RPS2: variants seen among roughly 807,000 people sequenced by gnomAD.
RPS2 encodes ribosomal protein S2, also known as small ribosomal subunit protein uS5.
In RPS2, 8 loss-of-function variants were observed where a neutral mutation model predicts 25.3. The ratio of observed to expected loss-of-function variants is 0.32; its 90% CI spans 0.19 to 0.57. RPS2 has a LOEUF of 0.57. Ranked by LOEUF, RPS2 falls within the 20% of genes least tolerant of loss-of-function variation. The pLI is 0.90. For missense variants in RPS2, 229 were observed against 408.1 expected (o/e 0.56, Z 3.78); for synonymous variants, 181 against 161.3 (o/e 1.12, Z -0.92).
Position 1,962,106 on chromosome 16 carries a change from T to C in RPS2, c.874A>G (p.Thr292Ala). 1 of 1,560,670 alleles carries C rather than the reference T, an allele frequency of 6.4e-7. No homozygotes were observed. Among genetic ancestry groups the C allele is most frequent in the Non-Finnish European group, 8.6e-7 (1 of 1,162,430 alleles). The stretch of plus-strand genomic sequence containing the variant: ...TTTCTTGTATAAAAACCCTATGTTG[T>C]AGCCACAGCTGGAGCCTGAGTCCGC... ...VQRTQAPAVATT is the reference protein window; with the variant it reads ...VQRTQAPAVAAT The change falls in exon 7 of 7, where the codon ACA becomes GCA. Residue 292 changes from threonine (T) to alanine (A), a missense_variant. Thr to Ala is a moderately conservative substitution (Grantham distance 58). This residue lies in a region of RPS2 where 32 missense variants were observed against 29.4 expected (regional missense o/e 1.09). Coordinates refer to ENST00000343262, the MANE Select transcript of RPS2 (RefSeq NM_002952.4).
chr16:1,964,631 G>A lies in RPS2; in HGVS notation c.-3-3C>T, dbSNP rs762788553. ...GCACCGGCGTCATCCGCCATTTGCT[G>A]GGAAAAGCGACAAGAAGGAACTAGT... On this transcript the variant is annotated splice_polypyrimidine_tract_variant and splice_region_variant and intron_variant, in intron 1 of 6. Coordinates refer to ENST00000343262, the MANE Select transcript of RPS2 (RefSeq NM_002952.4). 10 of 1,450,158 alleles carry A rather than the reference G, an allele frequency of 6.9e-6. No individual in the cohort carries two copies. Among genetic ancestry groups the A allele is most frequent in the African/African-American group, 1.5e-5 (1 of 68,180 alleles). The allele number at this position is 1,450,158 out of a possible 1,614,324, so 89.8% of individuals were successfully genotyped here.
At position 1,962,612 on chromosome 16, in the gene RPS2, T is replaced by C. The variant is rs1019389336; in HGVS notation, c.594A>G (p.Ala198=). ...CGSVLVRLIP[A]PRGTGIVSAP... is the part of the protein sequence containing the mutation. ...CGGAGACGATGCCAGTGCCCCTGGGTGCAGGGATGAGGCGTACCAGCACAG... is the reference window on the plus strand; with the variant it reads ...CGGAGACGATGCCAGTGCCCCTGGGCGCAGGGATGAGGCGTACCAGCACAG... Residue 198 remains alanine, a synonymous_variant, in exon 6 of 7, where the codon GCA becomes GCG. Transcript: ENST00000343262. The C allele has an allele frequency of 1.2e-6, 2 of 1,610,018 alleles. No individual in the cohort carries two copies. Among genetic ancestry groups the C allele is most frequent in the Admixed American group, 3.4e-5 (2 of 59,692 alleles).
rs552775906 is a variant in RPS2 at position 1,963,991 on chromosome 16, G to C, written c.267+285C>G. 44 of 463,014 alleles carry C rather than the reference G, an allele frequency of 9.5e-5. No individual in the cohort carries two copies. In the East Asian group the frequency reaches 1.8e-3, roughly 19 times the overall value. 28.7% of individuals were successfully genotyped at this position (463,014 alleles called of 1,614,324 possible). A position where few individuals can be genotyped will look rare whatever the true frequency, so the allele number is the denominator to read the frequency against. On this transcript the variant is annotated intron_variant, in intron 3 of 6. Coordinates refer to ENST00000343262, the MANE Select transcript of RPS2 (RefSeq NM_002952.4). ...CAACCTGAACTTCATCATCCTCTCG[G>C]ATGGCATGAACCAAGCGCTGCTTCT...
Position 1,963,232 on chromosome 16 carries a change from GGAA to G in RPS2, c.289_291del (p.Phe97del). 6.5e-7 allele frequency: 1 copy of G among 1,540,398 alleles called. No individual in the cohort carries two copies. On this transcript the variant is annotated inframe_deletion, in exon 4 of 7. Coordinates refer to ENST00000343262, the MANE Select transcript of RPS2 (RefSeq NM_002952.4). Reference sequence around the variant, plus strand: ...ACCTCATCCTTGAGAGAGGCCCCCAGGAAGAAATCAATGATCTCTGATTCCTGA... The same window carrying G: ...ACCTCATCCTTGAGAGAGGCCCCCAGGAAATCAATGATCTCTGATTCCTGA...
intron 3 of RPS2, chr16:1,963,648 C>CG (rs1377693133): frequency 8.6e-6 from 3 of 348,540 alleles, no homozygotes; most frequent in Non-Finnish European, 1.1e-5. Flanking sequence ...CATGAACCCC[C>CG]TCACCTGGCT....
intron 3 of RPS2, 57 bp from the exon 4 acceptor site, chr16:1,963,313 T>C (rs758336): frequency 0.97 from 1,131,486 of 1,166,738 alleles, 548,787 homozygotes; most frequent in East Asian, 1. Context: ...AATACCATTA[T>C]GATATTCAAG....
At chr16:1,963,036 C>G (rs1235934963) in intron 4 of RPS2, 113 bp downstream of exon 4, 2 of 1,363,662 alleles carry the variant, frequency 1.5e-6, no homozygotes, top group Non-Finnish European at 2.1e-6. Flanking sequence ...CTGAGGAGAT[C>G]TTTTCTCTCT....
intron 3 of RPS2, 111 bp from the exon 4 acceptor site, chr16:1,963,367 C>G: frequency 1.5e-6 from 1 of 680,820 alleles, no homozygotes. Flanking sequence ...CCTGTAATCC[C>G]AGCACTTTGG....
In RPS2 at chr16:1,964,576, G is replaced by C; in HGVS notation, c.50C>G (p.Pro17Arg). 1 of 1,565,962 alleles carries C rather than the reference G, an allele frequency of 6.4e-7. No individual in the cohort carries two copies. Among genetic ancestry groups the C allele is most frequent in the East Asian group, 2.3e-5 (1 of 42,780 alleles). ...GAAGCCACCGCGGTTCCCCATCCCAGGGCCACCAGGGCCCCCGGGCCCCCC... is the reference window on the plus strand; with the variant it reads ...GAAGCCACCGCGGTTCCCCATCCCACGGCCACCAGGGCCCCCGGGCCCCCC... ...AAGGPGGPGG[P>R]GMGNRGGFRG... Residue 17 changes from proline (P) to arginine (R), a missense_variant, in exon 2 of 7, where the codon CCT becomes CGT. This residue lies in a region of RPS2 where 27 missense variants were observed against 26.4 expected (regional missense o/e 1.02). Coordinates refer to ENST00000343262, the MANE Select transcript of RPS2 (RefSeq NM_002952.4).
chr16:1,963,096 G>A (rs767445969), intron 4 of RPS2, 53 bp downstream of exon 4: 1 of 1,455,526 alleles, frequency 6.9e-7, no homozygotes, highest in Non-Finnish European at 9.7e-7. Flanking sequence ...ACTATGCAGA[G>A]CCGAGAGAGT....
At chr16:1,962,985 C>T (rs1315720367) in intron 4 of RPS2, 76 bp from the exon 5 acceptor site, 6 of 1,525,648 alleles carry the variant, frequency 3.9e-6, no homozygotes, top group Admixed American at 1.7e-5. Context: ...CTGTTGCACC[C>T]CTCAAGGAAA....
Position 1,964,179 on chromosome 16 carries a change from C to T in RPS2, c.267+97G>A, listed in dbSNP as rs541195056. The T allele has an allele frequency of 5.2e-5, 47 of 898,156 alleles. 1 individual carries two copies. The South Asian group carries it at 6.1e-4, about 12-fold the overall frequency. The allele number at this position is 898,156 out of a possible 1,614,324, so 55.6% of individuals were successfully genotyped here. Reference sequence around the variant, plus strand: ...CAACCTCTCACGCGAGACGCTGGGCCCTTTAATGCGAGTCAATGGCAGATG... The same window carrying T: ...CAACCTCTCACGCGAGACGCTGGGCTCTTTAATGCGAGTCAATGGCAGATG... On this transcript the variant is annotated intron_variant, in intron 3 of 6. Transcript: ENST00000343262.
Position 1,962,136 on chromosome 16 carries a change from C to T in RPS2, c.844G>A (p.Val282Met), listed in dbSNP as rs142405634. The T allele has an allele frequency of 1.9e-4, 299 of 1,579,914 alleles. 2 individuals carry two copies. The East Asian group carries it at 5.8e-3, about 31-fold the overall frequency. Residue 282 changes from valine (V) to methionine (M), a missense_variant, in exon 7 of 7, where the codon GTG (valine) becomes ATG (methionine). This residue lies in a region of RPS2 where 32 missense variants were observed against 29.4 expected (regional missense o/e 1.09). Coordinates refer to ENST00000343262, the MANE Select transcript of RPS2 (RefSeq NM_002952.4). ...ACAGCTGGAGCCTGAGTCCGCTGCA[C>T]GGAGACTCTGGTGTGGGTCTTGACG... ...HLVKTHTRVS[V>M]QRTQAPAVAT...
rs772645310 is a variant in RPS2 at position 1,962,263 on chromosome 16, G to A, written c.717C>T (p.Ala239=). 6.2e-7 allele frequency: 1 copy of A among 1,612,944 alleles called. No individual in the cohort carries two copies. The highest frequency in any genetic ancestry group is 8.5e-7 in the Non-Finnish European group (1 of 1,179,412). ...AGGTCTTAGAAATGGCATCAAAGGT[G>A]GCCTTGGCTGCAAAACAAAAGAACC... ...CTATLGNFAK[A]TFDAISKTYS... Residue 239 remains alanine, a synonymous_variant, in exon 7 of 7, where the codon GCC becomes GCT. Coordinates refer to ENST00000343262, the MANE Select transcript of RPS2 (RefSeq NM_002952.4).
intron 4 of RPS2, 39 bp downstream of exon 4, chr16:1,963,110 G>T (rs374205676): frequency 2.0e-6 from 3 of 1,517,368 alleles, no homozygotes; most frequent in South Asian, 1.1e-5. Context: ...AGAGAGTCCC[G>T]GCAAGCCCAG....
chr16:1,964,287 G>C lies in RPS2; in HGVS notation c.256C>G (p.Leu86Val). The C allele has an allele frequency of 6.2e-7, 1 of 1,611,632 alleles. No individual in the cohort carries two copies. Among genetic ancestry groups the C allele is most frequent in the Non-Finnish European group, 8.5e-7 (1 of 1,178,172 alleles). The change falls in exon 3 of 7, where the codon CTG becomes GTG. Residue 86 changes from leucine (L) to valine (V), a missense_variant. Leu to Val is a conservative substitution (Grantham distance 32). Around this residue, in one of 7 missense-constraint regions of RPS2, gnomAD observed 70 missense variants for 119.0 expected, o/e 0.59. Coordinates refer to ENST00000343262, the MANE Select transcript of RPS2 (RefSeq NM_002952.4). ...KSLEEIYLFS[L>V]PIKESEIIDF... ...CGACCGACGCGTACCTTAATAGGCAGGGAGAAGAGATAGATCTCCTCCAGG... is the reference window on the plus strand; with the variant it reads ...CGACCGACGCGTACCTTAATAGGCACGGAGAAGAGATAGATCTCCTCCAGG...
chr16:1,963,398 A>G lies in RPS2; in HGVS notation c.268-142T>C, dbSNP rs547819458. ...TTTGGGAGACTGAGGTGGGCGGATC[A>G]CAAGGTCAGGAGTCCGATACCAGCC... is the stretch of plus-strand genomic sequence containing the variant. On this transcript the variant is annotated intron_variant, in intron 3 of 6. Coordinates refer to ENST00000343262, the MANE Select transcript of RPS2 (RefSeq NM_002952.4). 8.3e-5 allele frequency: 50 copies of G among 603,768 alleles called. No individual in the cohort carries two copies. In the East Asian group the frequency reaches 1.4e-3, roughly 17 times the overall value. The allele number at this position is 603,768 out of a possible 1,614,324, so 37.4% of individuals were successfully genotyped here. A position where few individuals can be genotyped will look rare whatever the true frequency, so the allele number is the denominator to read the frequency against.
intron 4 of RPS2, 116 bp downstream of exon 4, chr16:1,963,033 G>A (rs568700632): frequency 2.2e-6 from 3 of 1,368,554 alleles, no homozygotes; most frequent in South Asian, 2.3e-5. Context: ...GTCCTGAGGA[G>A]ATCTTTTCTC....
chr16:1,963,673 C>A, intron 3 of RPS2: 1 of 392,008 alleles, frequency 2.6e-6, no homozygotes, highest in South Asian at 1.8e-5. Context: ...CCCGATCTGT[C>A]CCCTTCGTTT....
Sources: gnomAD v4.1 joint callset for allele counts on GRCh38, gnomAD v4.1.1 for gene constraint, gnomAD v4.1.1 regional missense constraint, MANE v1.5 for transcripts, NCBI Gene and HGNC (gene_info 2026-07-23, HGNC 2026-07-21) for gene names.